The following PCDHGA8 variants were observed in gnomAD, a reference collection of about 807,000 sequenced individuals.
The protein encoded by PCDHGA8 is protocadherin gamma subfamily A, 8.
In PCDHGA8, 45 loss-of-function variants were observed where a neutral mutation model predicts 59.2. That is an observed-to-expected ratio of 0.76 (90% CI 0.60 to 0.98). PCDHGA8 has a LOEUF of 0.98. PCDHGA8 is among the 50% of genes least tolerant of loss of function. The pLI is 0.00. For missense variants in PCDHGA8, 1,257 were observed against 1,196.2 expected (o/e 1.05, Z -0.75); for synonymous variants, 531 against 519.0 (o/e 1.02, Z -0.32).
In PCDHGA8 at chr5:141,476,476, C is replaced by T; in HGVS notation, c.2425-18331C>T. 6.2e-7 allele frequency: 1 copy of T among 1,613,986 alleles called. No homozygotes were observed. The highest frequency in any genetic ancestry group is 8.5e-7 in the Non-Finnish European group (1 of 1,179,992). On this transcript the variant is annotated intron_variant, in intron 1 of 3. Transcript: ENST00000398604. The surrounding 1 kb of genome is among the most constrained non-coding windows in gnomAD (Gnocchi z 7.6). Reference sequence around the variant, plus strand: ...TGGAGAACCCGCTGGAGCTGTTCAGCGTGGAAGTGGTGATCCAGGACATCA... The same window carrying T: ...TGGAGAACCCGCTGGAGCTGTTCAGTGTGGAAGTGGTGATCCAGGACATCA...
rs751563833 is a variant in PCDHGA8 at position 141,421,382 on chromosome 5, A to T, written c.2424+26145A>T. 5.6e-6 allele frequency: 9 copies of T among 1,613,906 alleles called. No homozygotes were observed. The South Asian group carries it at 8.8e-5, about 16-fold the overall frequency. ...TCCTTCGTGGGCAATATCTCCAAGG[A>T]CCTGGGGCTGGAGCCCCGGGAGCTG... On this transcript the variant is annotated intron_variant, in intron 1 of 3. Transcript: ENST00000398604.
intron 1 of PCDHGA8, chr5:141,399,765 G>A: frequency 6.2e-7 from 1 of 1,613,356 alleles, no homozygotes; most frequent in African/African-American, 1.3e-5. Flanking sequence ...GCCTGCGCGT[G>A]TTGGTGGGCG....
At chr5:141,428,307 C>T (rs759382004) in intron 1 of PCDHGA8, 5 of 688,034 alleles carry the variant, frequency 7.3e-6, no homozygotes, top group Non-Finnish European at 5.1e-6. Flanking sequence ...TTTACCTGGT[C>T]GTGGCCTTGG....
At position 141,493,157 on chromosome 5, in the gene PCDHGA8, T is replaced by C. The variant is rs1261889479; in HGVS notation, c.2425-1650T>C. ...TTGAAACACCCCCAGGTGATTTTGATAGCTGATTGAGAGAAACTTACTATA... is the reference window on the plus strand; with the variant it reads ...TTGAAACACCCCCAGGTGATTTTGACAGCTGATTGAGAGAAACTTACTATA... On this transcript the variant is annotated intron_variant, in intron 1 of 3. Coordinates refer to ENST00000398604, the MANE Select transcript of PCDHGA8 (RefSeq NM_032088.2). This position sits in a 1 kb window ranked among gnomAD's most constrained non-coding sequence, Gnocchi z 4.3. 2.0e-5 allele frequency among the ~76,000 whole-genome samples: 3 copies of C among 152,224 alleles called. No individual in the cohort carries two copies. Among genetic ancestry groups the C allele is most frequent in the Admixed American group, 6.5e-5 (1 of 15,286 alleles).
chr5:141,422,959 C>T, intron 1 of PCDHGA8: 5 of 1,614,234 alleles, frequency 3.1e-6, no homozygotes, highest in African/African-American at 1.3e-5. Flanking sequence ...TGGCGTGGAG[C>T]TGGCGCCCCG....
rs1210765378 is a variant in PCDHGA8 at position 141,395,053 on chromosome 5, A to T, written c.2240A>T (p.Gln747Leu). 1 of 1,614,062 alleles carries T rather than the reference A, an allele frequency of 6.2e-7. No individual in the cohort carries two copies. The highest frequency in any genetic ancestry group is 2.2e-5 in the East Asian group (1 of 44,896). The change falls in exon 1 of 4, where the codon CAG (glutamine) becomes CTG (leucine). Residue 747 changes from glutamine to leucine, a missense_variant. Transcript: ENST00000398604. ...ASHFVGVEEVQAFLQTYSQEV... is the reference protein window; with the variant it reads ...ASHFVGVEEVLAFLQTYSQEV... ...CATTTTGTGGGTGTTGAGGAGGTAC[A>T]GGCTTTCCTGCAGACCTATTCCCAG... is the stretch of plus-strand genomic sequence containing the variant.
intron 1 of PCDHGA8, among the ~76,000 whole-genome samples, chr5:141,488,697 A>T (rs1337725245): frequency 6.6e-6 from 1 of 152,162 alleles, no homozygotes; most frequent in Non-Finnish European, 1.5e-5. Context: ...GAAGGACAAG[A>T]TTTTGCTGGT....
chr5:141,451,579 A>G (rs1222576609), intron 1 of PCDHGA8, among the ~76,000 whole-genome samples: 1 of 152,084 alleles, frequency 6.6e-6, no homozygotes, highest in Non-Finnish European at 1.5e-5. Flanking sequence ...TTATAAACCT[A>G]ATTTTGAAAG....
intron 3 of PCDHGA8, among the ~76,000 whole-genome samples, chr5:141,505,926 G>A (rs114056147): frequency 0.012 from 1,893 of 152,254 alleles, 12 homozygotes; most frequent in Middle Eastern, 0.034. Context: ...TGGGCCTGGC[G>A]CTTGGAAGCC....
chr5:141,470,836 C>T lies in PCDHGA8; in HGVS notation c.2425-23971C>T, dbSNP rs577375498. On this transcript the variant is annotated intron_variant, in intron 1 of 3. Transcript: ENST00000398604. ...CTGAGTAGTTAGGACGACAAACACA[C>T]GCCACCATGCTCAGATAAGTTTTTT... 2.6e-5 allele frequency among the ~76,000 whole-genome samples: 4 copies of T among 152,176 alleles called. No homozygotes were observed. The East Asian group carries it at 5.8e-4, about 22-fold the overall frequency.
intron 1 of PCDHGA8, chr5:141,419,328 C>T (rs2096360351): frequency 6.2e-7 from 1 of 1,613,954 alleles, no homozygotes. Context: ...GTCTCCTACT[C>T]TCTCATTGCC....
At chr5:141,404,384 G>C in intron 1 of PCDHGA8, 9 of 1,613,904 alleles carry the variant, frequency 5.6e-6, no homozygotes, top group African/African-American at 1.3e-5. Context: ...GATTGCCTAT[G>C]ACCCTGATAG....
chr5:141,404,124 C>A, intron 1 of PCDHGA8: 1 of 1,613,272 alleles, frequency 6.2e-7, no homozygotes, highest in Non-Finnish European at 8.5e-7. Context: ...GAGAATCTAT[C>A]TTTTACATTA....
At chr5:141,422,379 C>G (rs2096644662) in intron 1 of PCDHGA8, 1 of 1,576,826 alleles carries the variant, frequency 6.3e-7, no homozygotes, top group East Asian at 2.2e-5. Flanking sequence ...GTCAAGTCTC[C>G]TGTTTTATTC....
At chr5:141,414,042 T>A (rs758538745) in intron 1 of PCDHGA8, 1 of 1,611,324 alleles carries the variant, frequency 6.2e-7, no homozygotes, top group South Asian at 1.1e-5. Flanking sequence ...GAAAATTACC[T>A]GACACGCAAT....
intron 3 of PCDHGA8, among the ~76,000 whole-genome samples, chr5:141,510,518 GC>G (rs2099881500): frequency 6.6e-6 from 1 of 152,112 alleles, no homozygotes; most frequent in Non-Finnish European, 1.5e-5. Context: ...CCGTGTCACA[GC>G]CCTGAGAGAA....
chr5:141,419,610 C>T (rs779657777), intron 1 of PCDHGA8: 162 of 1,612,012 alleles, frequency 1.0e-4, no homozygotes, highest in Non-Finnish European at 1.3e-4. Flanking sequence ...GCCGCGCAGC[C>T]AGGCTACCTG....
chr5:141,401,272 G>A (rs998700154), intron 1 of PCDHGA8, among the ~76,000 whole-genome samples: 1 of 152,172 alleles, frequency 6.6e-6, no homozygotes. Flanking sequence ...AACCTGGCAG[G>A]TGGAGGTTGC....
At chr5:141,405,104 C>T in intron 1 of PCDHGA8, 1 of 1,613,940 alleles carries the variant, frequency 6.2e-7, no homozygotes, top group Non-Finnish European at 8.5e-7. Flanking sequence ...CAGGCTGAGG[C>T]ACTGGCACTC....
Sources: gnomAD v4.1 joint callset for allele counts (sites outside exome capture counted in the v4.1 genomes callset) on GRCh38, gnomAD v4.1.1 for gene constraint, Gnocchi (gnomAD v3.1) non-coding constraint, MANE v1.5 for transcripts, NCBI Gene and HGNC (gene_info 2026-07-23, HGNC 2026-07-21) for gene names.